The following RBFOX1 variants were observed in gnomAD, a reference collection of about 807,000 sequenced individuals.
RBFOX1 encodes RNA binding protein fox-1 homolog 1.
RBFOX1 carries 8 observed loss-of-function variants against 57.7 expected under a neutral mutation model. The observed-to-expected ratio is 0.14, with a 90% CI of 0.08 to 0.25. The LOEUF is 0.25. Ranked by LOEUF, RBFOX1 falls within the 10% of genes least tolerant of loss-of-function variation. RBFOX1 has a pLI of 1.00. For missense variants in RBFOX1, 611 were observed against 548.5 expected, an observed-to-expected ratio of 1.11 and a Z score of -1.14; for synonymous variants, 326 against 222.4, an observed-to-expected ratio of 1.47 and a Z score of -4.15.
At chr16:7,702,977 C>T (rs8049954) in intron 14 of RBFOX1, among the ~76,000 whole-genome samples, 67,166 of 152,066 alleles carry the variant, frequency 0.44, 15,200 homozygotes, top group African/African-American at 0.46. Flanking sequence ...TTACCTGGTG[C>T]CCCAGAGCAC....
chr16:5,501,942 C>G (rs752143052), intron 2 of RBFOX1, among the ~76,000 whole-genome samples: 1 of 151,836 alleles, frequency 6.6e-6, no homozygotes, highest in Non-Finnish European at 1.5e-5. Context: ...AAGCTGGTCT[C>G]GAACTCCTGG....
At chr16:7,237,089 G>T (rs1406766840) in intron 4 of RBFOX1, among the ~76,000 whole-genome samples, 1 of 152,166 alleles carries the variant, frequency 6.6e-6, no homozygotes, top group African/African-American at 2.4e-5. Flanking sequence ...GGTTTGGGTG[G>T]CAGCCAGCTA....
In RBFOX1 at chr16:5,355,012, A is replaced by T. The variant is rs200965683; in HGVS notation, c.220-112204A>T. Among the ~76,000 whole-genome samples the T allele has an allele frequency of 5.3e-4, 13 of 24,372 alleles. No homozygotes were observed. In the East Asian group the frequency reaches 0.31, roughly 586 times the overall value. The allele number at this position is 24,372 out of a possible 152,430, so 16.0% of individuals were successfully genotyped here. A position where few individuals can be genotyped will look rare whatever the true frequency, so the allele number is the denominator to read the frequency against. On this transcript the variant is annotated intron_variant, in intron 1 of 2. Transcript: ENST00000585867. The stretch of plus-strand genomic sequence containing the variant: ...GAAGGGATGTGTATGTGTATATGAG[A>T]GAGAGAGAGGGACAGAGATACAGAG...
intron 4 of RBFOX1, among the ~76,000 whole-genome samples, chr16:7,430,939 C>G (rs1167803128): frequency 6.6e-6 from 1 of 152,182 alleles, no homozygotes; most frequent in Non-Finnish European, 1.5e-5. Context: ...TGTTTGTTTG[C>G]TAGTTTCTTA....
intron 1 of RBFOX1, among the ~76,000 whole-genome samples, chr16:6,046,068 C>T (rs924485242): frequency 2.0e-5 from 3 of 152,048 alleles, no homozygotes; most frequent in Non-Finnish European, 4.4e-5. Context: ...CATAGGAAGG[C>T]GTCTGATGGT....
rs181616619 is a variant in RBFOX1 at position 6,911,759 on chromosome 16, A to G, written c.-15-140298A>G. Among the ~76,000 whole-genome samples the G allele has an allele frequency of 4.6e-5, 7 of 152,302 alleles. No homozygotes were observed. The East Asian group carries it at 1.4e-3, about 29-fold the overall frequency. On this transcript the variant is annotated intron_variant, in intron 3 of 15. Transcript: ENST00000550418. Reference sequence around the variant, plus strand: ...TGTTTATTTTACCATGCATACCTACAGCAAATAATTTTGTTTCCACTTATA... The same window carrying G: ...TGTTTATTTTACCATGCATACCTACGGCAAATAATTTTGTTTCCACTTATA...
At chr16:5,871,099 A>G (rs1299752481) in intron 4 of RBFOX1, among the ~76,000 whole-genome samples, 4 of 152,156 alleles carry the variant, frequency 2.6e-5, no homozygotes, top group African/African-American at 9.7e-5. Context: ...GTGCCAATAA[A>G]TTTTCATGGC....
chr16:6,751,032 C>T (rs80125358), intron 3 of RBFOX1, among the ~76,000 whole-genome samples: 3,887 of 152,086 alleles, frequency 0.026, 171 homozygotes, highest in African/African-American at 0.088. Context: ...GTTCAAGGGC[C>T]CTGATGTGGG....
At chr16:5,456,917 C>T (rs559227809) in intron 1 of RBFOX1, among the ~76,000 whole-genome samples, 54 of 152,302 alleles carry the variant, frequency 3.5e-4, no homozygotes, top group Middle Eastern at 3.4e-3. Flanking sequence ...CTAGCACATT[C>T]CACCTCTAGG....
At chr16:5,717,368 T>A (rs2051743134) in intron 3 of RBFOX1, among the ~76,000 whole-genome samples, 1 of 152,130 alleles carries the variant, frequency 6.6e-6, no homozygotes, top group African/African-American at 2.4e-5. Context: ...ATGTTTACTT[T>A]CAATAGTTTT....
At chr16:5,976,333 C>G (rs2060063036) in intron 4 of RBFOX1, among the ~76,000 whole-genome samples, 1 of 152,146 alleles carries the variant, frequency 6.6e-6, no homozygotes, top group Non-Finnish European at 1.5e-5. Context: ...CTCACATAGA[C>G]TCCTTTATGG....
chr16:6,764,372 T>C (rs549407334), intron 3 of RBFOX1, among the ~76,000 whole-genome samples: 1 of 152,282 alleles, frequency 6.6e-6, no homozygotes, highest in African/African-American at 2.4e-5. Flanking sequence ...GTCCTTATGG[T>C]AGTCGGGCCA....
At chr16:6,297,033 A>G (rs1279668926) in intron 1 of RBFOX1, among the ~76,000 whole-genome samples, 5 of 152,158 alleles carry the variant, frequency 3.3e-5, no homozygotes, top group African/African-American at 1.2e-4. Flanking sequence ...TGGGTTATTC[A>G]TGCCTCCCCT....
chr16:6,840,367 C>T lies in RBFOX1; in HGVS notation c.-16+185717C>T, dbSNP rs1270326386. 3.3e-5 allele frequency among the ~76,000 whole-genome samples: 5 copies of T among 152,294 alleles called. No individual in the cohort carries two copies. The East Asian group carries it at 7.7e-4, about 24-fold the overall frequency. On this transcript the variant is annotated intron_variant, in intron 3 of 15. Transcript: ENST00000550418. ...CGTTCATTCATTGGTCCCTGTATTT[C>T]AGGATTCCTGCGTTGGTTCCTCCAT...
At chr16:5,754,487 G>T (rs1221397605) in intron 3 of RBFOX1, among the ~76,000 whole-genome samples, 3 of 147,162 alleles carry the variant, frequency 2.0e-5, no homozygotes, top group Non-Finnish European at 4.5e-5. Flanking sequence ...TATAGAGAAA[G>T]AAATAAGGGG....
At chr16:5,881,255 C>G (rs2057753837) in intron 4 of RBFOX1, among the ~76,000 whole-genome samples, 1 of 152,172 alleles carries the variant, frequency 6.6e-6, no homozygotes, top group African/African-American at 2.4e-5. Context: ...AGTCCAAGCT[C>G]AAATTATGTT....
At chr16:6,391,371 A>G (rs1327859464) in intron 2 of RBFOX1, among the ~76,000 whole-genome samples, 4 of 152,042 alleles carry the variant, frequency 2.6e-5, no homozygotes, top group Non-Finnish European at 4.4e-5. Context: ...TTAGCCAGGC[A>G]TGGCGGCGGG....
At chr16:7,066,405 T>G (rs2056043476) in intron 4 of RBFOX1, among the ~76,000 whole-genome samples, 1 of 152,180 alleles carries the variant, frequency 6.6e-6, no homozygotes, top group Admixed American at 6.5e-5. Context: ...ATGGTTTTCT[T>G]TATTGATTTG....
chr16:6,134,899 G>C (rs993389439), intron 1 of RBFOX1, among the ~76,000 whole-genome samples: 1 of 152,002 alleles, frequency 6.6e-6, no homozygotes, highest in Non-Finnish European at 1.5e-5. Flanking sequence ...CAACGTGCAG[G>C]GTTGTTACAT....
Sources: allele counts gnomAD v4.1 joint callset (sites outside exome capture counted in the v4.1 genomes callset), GRCh38; gene constraint gnomAD v4.1.1; transcripts MANE v1.5; gene names NCBI Gene and HGNC (gene_info 2026-07-23, HGNC 2026-07-21).